DEPDC5: variants seen among roughly 807,000 people sequenced by gnomAD.
DEPDC5 encodes the protein GATOR1 complex protein DEPDC5.
In DEPDC5, 73 loss-of-function variants were observed where a neutral mutation model predicts 217.3. That is an observed-to-expected ratio of 0.34 (90% CI 0.28 to 0.41). DEPDC5 has a LOEUF of 0.41. Among genes scored for constraint, DEPDC5 ranks in the 10% least tolerant of loss-of-function variants. The pLI, the probability that DEPDC5 is intolerant of heterozygous loss-of-function variation, is 1.00. For synonymous variants in DEPDC5, 733 were observed against 756.7 expected (o/e 0.97, Z 0.51); for missense variants, 1,675 against 2,070.1 (o/e 0.81, Z 3.70).
chr22:31,857,449 C>G lies in DEPDC5; in HGVS notation c.3160C>G (p.Leu1054Val). 1 of 1,604,914 alleles carries G rather than the reference C, an allele frequency of 6.2e-7. No homozygotes were observed. Among genetic ancestry groups the G allele is most frequent in the South Asian group, 1.1e-5 (1 of 88,978 alleles). The change falls in exon 32 of 43, where the codon CTG becomes GTG. Residue 1054 changes from leucine to valine, a missense_variant. Coordinates refer to ENST00000651528, the MANE Select transcript of DEPDC5 (RefSeq NM_001242896.3). ...ATGTGCTTTTCCTCCTTTCAGGTGC[C>G]TGGGAGAACAGCAGGCAGCTGTGCA... ...LLEMEASQKC[L>V]GEQQAAVHGG...
intron 33 of DEPDC5, among the ~76,000 whole-genome samples, chr22:31,862,862 A>G (rs773507106): frequency 6.6e-6 from 1 of 152,208 alleles, no homozygotes; most frequent in Non-Finnish European, 1.5e-5. Context: ...TGGGTAGCAC[A>G]CTGTGTTTTT....
chr22:31,862,303 G>A (rs5998150), intron 33 of DEPDC5, among the ~76,000 whole-genome samples: 11,362 of 152,124 alleles, frequency 0.075, 473 homozygotes, highest in Admixed American at 0.12. Context: ...AGTGGCTCAC[G>A]CCTGTAATCC....
At chr22:31,821,365 CA>C in intron 22 of DEPDC5, 136 bp from the exon 23 acceptor site, 2 of 1,197,178 alleles carry the variant, frequency 1.7e-6, no homozygotes, top group Non-Finnish European at 2.4e-6. Flanking sequence ...CTTTGGGAGC[CA>C]CCCTCTGTGG....
intron 26 of DEPDC5, among the ~76,000 whole-genome samples, chr22:31,837,535 A>C (rs967655572): frequency 2.6e-5 from 4 of 151,706 alleles, no homozygotes. Context: ...TGTGTATTTT[A>C]TAAAGACGCT....
intron 33 of DEPDC5, 54 bp downstream of exon 33, chr22:31,861,487 C>T (rs2092511455): frequency 1.3e-6 from 2 of 1,538,552 alleles, no homozygotes; most frequent in African/African-American, 2.7e-5. Context: ...ACGCCATGAG[C>T]TGGCCTTCTG....
In DEPDC5 at chr22:31,754,869, A is replaced by G; in HGVS notation, c.-53A>G. 1 of 1,601,256 alleles carries G rather than the reference A, an allele frequency of 6.2e-7. No individual in the cohort carries two copies. The highest frequency in any genetic ancestry group is 8.5e-7 in the Non-Finnish European group (1 of 1,170,002). ...TTTGTATTTCTGTGGCAGGGAGGCA[A>G]GATGACTTCTCTGCCCCAAGCTTGG... On this transcript the variant is annotated 5_prime_UTR_variant, in exon 2 of 43. Transcript: ENST00000651528.
chr22:31,833,987 G>C lies in DEPDC5; in HGVS notation c.2170+7G>C, dbSNP rs1230985283. 10 of 1,613,460 alleles carry C rather than the reference G, an allele frequency of 6.2e-6. No individual in the cohort carries two copies. Among genetic ancestry groups the C allele is most frequent in the Middle Eastern group, 1.6e-4 (1 of 6,082 alleles). On this transcript the variant is annotated splice_region_variant and intron_variant, in intron 25 of 42. Transcript: ENST00000651528. ...TCTACCTCTCCAGACCCAAGTAAGA[G>C]GGGGCAGCTGACTGGGGAAAGGGGT...
intron 16 of DEPDC5, among the ~76,000 whole-genome samples, chr22:31,804,503 G>A (rs1357465056): frequency 9.2e-5 from 14 of 152,284 alleles, no homozygotes; most frequent in East Asian, 1.9e-4. Flanking sequence ...GCAATGGTGC[G>A]ATGTTGGCTC....
chr22:31,807,051 C>A (rs1462706770), intron 18 of DEPDC5, among the ~76,000 whole-genome samples: 2 of 152,126 alleles, frequency 1.3e-5, no homozygotes, highest in Non-Finnish European at 2.9e-5. Context: ...AAAATTGTAA[C>A]AAGAGTGGGA....
intron 34 of DEPDC5, among the ~76,000 whole-genome samples, chr22:31,871,693 T>C (rs1016746812): frequency 6.6e-6 from 1 of 152,158 alleles, no homozygotes; most frequent in African/African-American, 2.4e-5. Context: ...GAACAGTAGG[T>C]TTACTTCTGC....
chr22:31,809,931 G>A (rs1015099399), intron 19 of DEPDC5, among the ~76,000 whole-genome samples: 6 of 152,136 alleles, frequency 3.9e-5, no homozygotes, highest in Non-Finnish European at 5.9e-5. Context: ...GCAGTGAGCC[G>A]AGATCATGCC....
intron 29 of DEPDC5, among the ~76,000 whole-genome samples, chr22:31,844,486 T>C (rs970712679): frequency 6.6e-6 from 1 of 152,172 alleles, no homozygotes; most frequent in Non-Finnish European, 1.5e-5. Flanking sequence ...AGGGATGACG[T>C]GCCCTTGATG....
intron 24 of DEPDC5, among the ~76,000 whole-genome samples, chr22:31,826,099 C>T (rs960044236): frequency 6.6e-6 from 1 of 152,136 alleles, no homozygotes; most frequent in Non-Finnish European, 1.5e-5. Flanking sequence ...CTCTGCCTCC[C>T]GGGTTCAAGC....
intron 9 of DEPDC5, 165 bp from the exon 10 acceptor site, chr22:31,784,649 A>C (rs1025126247): frequency 1.7e-6 from 1 of 575,812 alleles, no homozygotes; most frequent in African/African-American, 1.9e-5. Flanking sequence ...TGTACAAAAT[A>C]CACCTTCTTT....
chr22:31,854,918 A>G (rs907079665), intron 31 of DEPDC5, among the ~76,000 whole-genome samples: 11 of 151,750 alleles, frequency 7.2e-5, no homozygotes, highest in African/African-American at 2.7e-4. Context: ...CTTAAGAGAT[A>G]TAATGTATGA....
At chr22:31,807,176 G>C (rs886753596) in intron 18 of DEPDC5, among the ~76,000 whole-genome samples, 2 of 152,140 alleles carry the variant, frequency 1.3e-5, no homozygotes, top group Admixed American at 1.3e-4. Flanking sequence ...CCATACTTTT[G>C]CAAAGCATTT....
chr22:31,770,439 G>GGT (rs1298984166), intron 7 of DEPDC5, among the ~76,000 whole-genome samples: 2 of 151,166 alleles, frequency 1.3e-5, no homozygotes, highest in African/African-American at 4.9e-5. Context: ...GGAGTGCAGT[G>GGT]GTGGGACCTT....
rs936255710 is a variant in DEPDC5 at position 31,907,278 on chromosome 22, A to T, written c.*781A>T. On this transcript the variant is annotated 3_prime_UTR_variant, in exon 43 of 43. Transcript: ENST00000651528. ...CTGCAGGCTCATGCTGTCAGAATGA[A>T]TCTTGCTAAATGGGTGAGCTCAGCT... 2 of 152,262 alleles carry T rather than the reference A, an allele frequency of 1.3e-5. No homozygotes were observed. Among genetic ancestry groups the T allele is most frequent in the Non-Finnish European group, 2.9e-5 (2 of 68,064 alleles). 9.4% of individuals were successfully genotyped at this position (152,262 alleles called of 1,614,324 possible).
intron 25 of DEPDC5, chr22:31,836,731 T>G: frequency 4.1e-6 from 2 of 491,476 alleles, no homozygotes; most frequent in East Asian, 3.4e-5. Flanking sequence ...ATGAAAAATA[T>G]CAGCTGTGAA....
Sources: gnomAD v4.1 joint callset for allele counts (sites outside exome capture counted in the v4.1 genomes callset) on GRCh38, gnomAD v4.1.1 for gene constraint, MANE v1.5 for transcripts, NCBI Gene and HGNC (gene_info 2026-07-23, HGNC 2026-07-21) for gene names.